The following LDB2 variants were observed in gnomAD, a reference collection of about 807,000 sequenced individuals.
LDB2 encodes the protein LIM domain-binding protein 2.
Under a neutral mutation model 44.3 loss-of-function variants are expected in LDB2, and 12 were observed. The observed-to-expected ratio is 0.27, with a 90% CI of 0.17 to 0.44. The LOEUF is 0.44. Among genes scored for constraint, LDB2 ranks in the 20% least tolerant of loss-of-function variants. The pLI is 1.00. For missense variants in LDB2, 344 were observed against 473.5 expected (o/e 0.73, Z 2.54); for synonymous variants, 164 against 174.8 (o/e 0.94, Z 0.49).
At chr4:16,640,235 A>T (rs1034169586) in intron 2 of LDB2, among the ~76,000 whole-genome samples, 1 of 152,196 alleles carries the variant, frequency 6.6e-6, no homozygotes, top group African/African-American at 2.4e-5. Flanking sequence ...TACAAAAAAG[A>T]TATATTTAAT....
In LDB2 at chr4:16,814,633, A is replaced by G. The variant is rs149251526; in HGVS notation, c.133-55373T>C. ...AGAGCCCTAGCTGATGCAACAATAT[A>G]GACAATGTGTCCATCAACAGAGATA... On this transcript the variant is annotated intron_variant, in intron 1 of 7. Transcript: ENST00000304523. Among the ~76,000 whole-genome samples the G allele has an allele frequency of 8.6e-3, 1,309 of 152,326 alleles. 25 individuals are homozygous for G. Among genetic ancestry groups the G allele is most frequent in the African/African-American group, 0.03 (1,247 of 41,562 alleles).
intron 1 of LDB2, among the ~76,000 whole-genome samples, chr4:16,844,186 G>T (rs777863801): frequency 6.8e-5 from 10 of 146,426 alleles, no homozygotes; most frequent in Non-Finnish European, 1.5e-4. Flanking sequence ...AAGCCTAGAA[G>T]GTGAAGGCCT....
chr4:16,549,753 G>C (rs1330274515), intron 5 of LDB2, among the ~76,000 whole-genome samples: 1 of 152,200 alleles, frequency 6.6e-6, no homozygotes, highest in African/African-American at 2.4e-5. Flanking sequence ...CATGAAATTG[G>C]TGCCATTAAG....
At chr4:16,716,778 T>C (rs1422907514) in intron 2 of LDB2, among the ~76,000 whole-genome samples, 1 of 152,116 alleles carries the variant, frequency 6.6e-6, no homozygotes, top group Non-Finnish European at 1.5e-5. Context: ...CTTTGCCCCA[T>C]GGAACAGAGC....
intron 5 of LDB2, among the ~76,000 whole-genome samples, chr4:16,544,993 C>T (rs138487991): frequency 1.2e-4 from 19 of 152,118 alleles, no homozygotes; most frequent in Admixed American, 2.6e-4. Context: ...GAGAGAACAG[C>T]GAGTGAGGAT....
intron 5 of LDB2, among the ~76,000 whole-genome samples, chr4:16,562,873 A>G (rs1378408701): frequency 6.6e-6 from 1 of 152,228 alleles, no homozygotes; most frequent in African/African-American, 2.4e-5. Context: ...ACACCATGGA[A>G]CACTATGCAG....
chr4:16,833,352 G>A (rs532113307), intron 1 of LDB2, among the ~76,000 whole-genome samples: 6 of 152,220 alleles, frequency 3.9e-5, no homozygotes, highest in African/African-American at 1.4e-4. Flanking sequence ...CTTAATATTG[G>A]TGTCCTTGAG....
At chr4:16,857,058 G>A (rs929950187) in intron 1 of LDB2, among the ~76,000 whole-genome samples, 18 of 152,194 alleles carry the variant, frequency 1.2e-4, no homozygotes, top group African/African-American at 4.1e-4. Context: ...TAGAGCTTTT[G>A]TTGACCATGC....
chr4:16,586,059 A>T, intron 4 of LDB2, 54 bp from the exon 5 acceptor site: 1 of 1,337,126 alleles, frequency 7.5e-7, no homozygotes, highest in Non-Finnish European at 1.1e-6. Context: ...CGGTCCTGAG[A>T]AAATCTCAGA....
intron 2 of LDB2, among the ~76,000 whole-genome samples, chr4:16,732,761 G>A (rs770094341): frequency 1.3e-5 from 2 of 152,168 alleles, no homozygotes; most frequent in Non-Finnish European, 1.5e-5. Flanking sequence ...GGCTGTTAGG[G>A]ACCAAGAAGA....
chr4:16,552,084 C>T (rs1167184200), intron 5 of LDB2, among the ~76,000 whole-genome samples: 1 of 152,090 alleles, frequency 6.6e-6, no homozygotes, highest in Non-Finnish European at 1.5e-5. Context: ...AAAAATAAAT[C>T]TTCCATTTGA....
intron 2 of LDB2, among the ~76,000 whole-genome samples, chr4:16,635,039 G>A (rs1182041832): frequency 6.6e-6 from 1 of 152,118 alleles, no homozygotes; most frequent in Non-Finnish European, 1.5e-5. Flanking sequence ...ACTATCACAA[G>A]ATCAGAAAAC....
intron 1 of LDB2, among the ~76,000 whole-genome samples, chr4:16,799,827 A>T (rs1372353876): frequency 6.6e-6 from 1 of 152,230 alleles, no homozygotes; most frequent in Non-Finnish European, 1.5e-5. Flanking sequence ...ATACTTTTCC[A>T]GTATAAGTAT....
chr4:16,586,548 CACAT>C (rs1560554891), intron 4 of LDB2, among the ~76,000 whole-genome samples: 175 of 134,742 alleles, frequency 1.3e-3, no homozygotes, highest in African/African-American at 4.7e-3. Flanking sequence ...CACACACACA[CACAT>C]ATATATGGAG....
At chr4:16,784,730 C>T (rs1274948154) in intron 1 of LDB2, among the ~76,000 whole-genome samples, 1 of 152,196 alleles carries the variant, frequency 6.6e-6, no homozygotes, top group South Asian at 2.1e-4. Context: ...GGGGTCTAAT[C>T]CTAGCCTGCC....
chr4:16,635,281 A>C (rs955448957), intron 2 of LDB2, among the ~76,000 whole-genome samples: 3 of 152,134 alleles, frequency 2.0e-5, no homozygotes, highest in Non-Finnish European at 4.4e-5. Context: ...CCCAGAACTT[A>C]AAGTATAAAA....
At chr4:16,779,494 C>G (rs1394032069) in intron 1 of LDB2, among the ~76,000 whole-genome samples, 2 of 152,114 alleles carry the variant, frequency 1.3e-5, no homozygotes, top group African/African-American at 4.8e-5. Context: ...CACCTGCCAC[C>G]TTGGCCAATG....
At position 16,693,996 on chromosome 4, in the gene LDB2, C is replaced by T. The variant is rs531580205; in HGVS notation, c.235+65162G>A. On this transcript the variant is annotated intron_variant, in intron 2 of 7. Coordinates refer to ENST00000304523, the MANE Select transcript of LDB2 (RefSeq NM_001290.5). The stretch of plus-strand genomic sequence containing the variant: ...TTCAACAGTGTAGGTTACCTGTTGT[C>T]GCTCCTCCTGGTTGATCTCATGATA... Among the ~76,000 whole-genome samples the T allele has an allele frequency of 6.6e-5, 10 of 152,270 alleles. No homozygotes were observed. In the East Asian group the frequency reaches 1.2e-3, roughly 18 times the overall value.
chr4:16,748,808 A>C (rs1207560285), intron 2 of LDB2, among the ~76,000 whole-genome samples: 1 of 152,252 alleles, frequency 6.6e-6, no homozygotes, highest in Non-Finnish European at 1.5e-5. Context: ...GTGTTTGGAA[A>C]TAATGTGTAA....
Sources: gnomAD v4.1 joint callset for allele counts (sites outside exome capture counted in the v4.1 genomes callset) on GRCh38, gnomAD v4.1.1 for gene constraint, MANE v1.5 for transcripts, NCBI Gene and HGNC (gene_info 2026-07-23, HGNC 2026-07-21) for gene names.